The following SYT14 variants were observed in gnomAD, a reference collection of about 807,000 sequenced individuals.
The protein encoded by SYT14 is synaptotagmin 14, also known as synaptotagmin-14.
A neutral mutation model predicts 74.2 loss-of-function variants in SYT14; 32 were observed. The observed-to-expected ratio is 0.43, with a 90% CI of 0.33 to 0.58. The LOEUF is 0.58. Ranked by LOEUF, SYT14 falls within the 20% of genes least tolerant of loss-of-function variation. The probability of loss-of-function intolerance (pLI) is 0.05; values close to 1 mark genes in which losing one functional copy is unlikely to be tolerated. For missense variants in SYT14, 791 were observed against 981.8 expected (o/e 0.81, Z 2.60); for synonymous variants, 298 against 337.7 (o/e 0.88, Z 1.29).
chr1:210,105,342 G>T (rs2082140130), intron 7 of SYT14, among the ~76,000 whole-genome samples: 1 of 152,180 alleles, frequency 6.6e-6, no homozygotes, highest in Non-Finnish European at 1.5e-5. Flanking sequence ...TTGAACTCAG[G>T]TGTGGCCAGG....
chr1:209,975,471 G>T (rs1476398939), intron 2 of SYT14, among the ~76,000 whole-genome samples: 1 of 152,142 alleles, frequency 6.6e-6, no homozygotes, highest in Non-Finnish European at 1.5e-5. Context: ...TAATCATGTG[G>T]TTTTTGTCAT....
intron 7 of SYT14, among the ~76,000 whole-genome samples, chr1:210,135,195 T>C (rs1298773455): frequency 6.6e-6 from 1 of 152,178 alleles, no homozygotes; most frequent in Admixed American, 6.5e-5. Flanking sequence ...TTGGCCAGTT[T>C]GGTCTCAAAT....
chr1:209,951,307 C>T (rs1179389182), intron 1 of SYT14, among the ~76,000 whole-genome samples: 1 of 152,140 alleles, frequency 6.6e-6, no homozygotes, highest in East Asian at 1.9e-4. Flanking sequence ...TTCTCTCCCA[C>T]CTCTGGTAAC....
At chr1:210,001,190 A>G (rs1433117538) in intron 2 of SYT14, among the ~76,000 whole-genome samples, 1 of 151,918 alleles carries the variant, frequency 6.6e-6, no homozygotes, top group South Asian at 2.1e-4. Flanking sequence ...TTTTTTTGCT[A>G]TATTATTTTG....
At chr1:209,990,747 A>G (rs1326546481) in intron 2 of SYT14, among the ~76,000 whole-genome samples, 1 of 104,446 alleles carries the variant, frequency 9.6e-6, no homozygotes, top group East Asian at 2.8e-4. Context: ...ACTTATATAT[A>G]TACCCATAAA....
At position 210,016,338 on chromosome 1, in the gene SYT14, GA is replaced by G; in HGVS notation, c.337del (p.Ile113TyrfsTer31). On this transcript the variant is annotated frameshift_variant, in exon 4 of 10. Transcript: ENST00000637265. LOFTEE classifies it high-confidence loss of function. ...AAAACTTCACTAAAGCAAGATCAAG[GA>G]ATACATGAAGAAAGAGTATTTAAAC... 8.1e-7 allele frequency: 1 copy of G among 1,232,070 alleles called. No homozygotes were observed. The highest frequency in any genetic ancestry group is 1.0e-6 in the Non-Finnish European group (1 of 987,928). The allele number at this position is 1,232,070 out of a possible 1,614,324, so 76.3% of individuals were successfully genotyped here. A position where few individuals can be genotyped will look rare whatever the true frequency, so the allele number is the denominator to read the frequency against.
chr1:209,972,768 A>C (rs763198068), intron 2 of SYT14, among the ~76,000 whole-genome samples: 3 of 152,064 alleles, frequency 2.0e-5, no homozygotes, highest in African/African-American at 4.8e-5. Context: ...ATGGCTGAGC[A>C]TGTGGCCTAT....
At chr1:209,985,465 TA>T (rs1446522199) in intron 2 of SYT14, among the ~76,000 whole-genome samples, 1 of 152,244 alleles carries the variant, frequency 6.6e-6, no homozygotes, top group Non-Finnish European at 1.5e-5. Flanking sequence ...TGTGGCTTTT[TA>T]GGGGGTCAGC....
At chr1:209,975,508 T>C (rs1270809245) in intron 2 of SYT14, among the ~76,000 whole-genome samples, 1 of 152,248 alleles carries the variant, frequency 6.6e-6, no homozygotes, top group Non-Finnish European at 1.5e-5. Context: ...GGATTACGTT[T>C]ATTGATTTGT....
chr1:210,059,466 A>G (rs2081168050), intron 5 of SYT14, among the ~76,000 whole-genome samples: 1 of 147,112 alleles, frequency 6.8e-6, no homozygotes, highest in Admixed American at 6.8e-5. Context: ...AGAGAGAGAG[A>G]GAGAGAGAGA....
At chr1:210,128,193 G>A (rs1294536967) in intron 7 of SYT14, among the ~76,000 whole-genome samples, 1 of 151,936 alleles carries the variant, frequency 6.6e-6, no homozygotes, top group Non-Finnish European at 1.5e-5. Context: ...GACAACACAG[G>A]GAGACCCAGT....
chr1:210,007,794 C>A (rs1572149647), intron 2 of SYT14, among the ~76,000 whole-genome samples: 2 of 152,136 alleles, frequency 1.3e-5, no homozygotes, highest in East Asian at 3.9e-4. Flanking sequence ...AATCCAGGTT[C>A]TACCACTTCA....
intron 5 of SYT14, among the ~76,000 whole-genome samples, chr1:210,090,918 G>A (rs1349038404): frequency 2.6e-5 from 4 of 152,122 alleles, no homozygotes; most frequent in Middle Eastern, 3.4e-3. Flanking sequence ...ACATTTGTGT[G>A]TTCTACACTT....
At chr1:210,152,579 C>A (rs1202359032) in intron 7 of SYT14, among the ~76,000 whole-genome samples, 2 of 152,068 alleles carry the variant, frequency 1.3e-5, no homozygotes, top group African/African-American at 2.4e-5. Context: ...ACCCAACACA[C>A]ATTAGAAAAG....
chr1:210,038,398 A>G (rs576245493), intron 5 of SYT14, among the ~76,000 whole-genome samples: 44 of 152,118 alleles, frequency 2.9e-4, no homozygotes, highest in Middle Eastern at 6.8e-3. Context: ...TTTTAAATGG[A>G]GTATTTAAGG....
At chr1:209,970,366 G>T (rs1287208185) in intron 2 of SYT14, among the ~76,000 whole-genome samples, 1 of 152,018 alleles carries the variant, frequency 6.6e-6, no homozygotes, top group Non-Finnish European at 1.5e-5. Context: ...AGATCAGTTG[G>T]CTATAGGTAC....
exon 10 of SYT14, chr1:210,165,233 A>G (rs927844265): frequency 1.3e-4 from 20 of 152,180 alleles, no homozygotes; most frequent in African/African-American, 4.6e-4. Flanking sequence ...TGTTTGAAAA[A>G]AAAACTACTT....
intron 7 of SYT14, among the ~76,000 whole-genome samples, chr1:210,145,842 G>T (rs1456226220): frequency 6.6e-6 from 1 of 152,054 alleles, no homozygotes; most frequent in African/African-American, 2.4e-5. Context: ...CCAGAATATT[G>T]TTTCTGTTAC....
At chr1:209,953,112 C>G in intron 2 of SYT14, 1 of 1,303,228 alleles carries the variant, frequency 7.7e-7, no homozygotes, top group Non-Finnish European at 1.0e-6. Flanking sequence ...TTACTGTACC[C>G]CATCAGAGAG....
Sources: allele counts gnomAD v4.1 joint callset (sites outside exome capture counted in the v4.1 genomes callset), GRCh38; gene constraint gnomAD v4.1.1; transcripts MANE v1.5; gene names NCBI Gene and HGNC (gene_info 2026-07-23, HGNC 2026-07-21).